Variants in NECAB1 observed in about 807,000 individuals in gnomAD.
NECAB1 encodes N-terminal EF-hand calcium binding protein 1.
NECAB1 carries 29 observed loss-of-function variants against 57.5 expected under a neutral mutation model. The ratio of observed to expected loss-of-function variants is 0.50; its 90% confidence interval spans 0.38 to 0.69. NECAB1 has a LOEUF of 0.69. Ranked by LOEUF, NECAB1 falls within the 30% of genes least tolerant of loss-of-function variation. The pLI, the probability that NECAB1 is intolerant of heterozygous loss-of-function variation, is 0.00. For synonymous variants in NECAB1, 142 were observed against 147.7 expected (o/e 0.96, Z 0.28); for missense variants, 372 against 413.8 (o/e 0.90, Z 0.88).
intron 1 of NECAB1, among the ~76,000 whole-genome samples, chr8:90,793,380 T>C (rs1586025583): frequency 6.6e-6 from 1 of 152,312 alleles, no homozygotes; most frequent in Middle Eastern, 3.4e-3. Context: ...TCTGGGCTGG[T>C]CATCTCCTTC....
In NECAB1 at chr8:90,951,139, C is replaced by A; in HGVS notation, c.965C>A (p.Thr322Lys). The change falls in exon 12 of 13, where the codon ACA becomes AAA. Residue 322 changes from threonine to lysine, a missense_variant. Coordinates refer to ENST00000417640, the MANE Select transcript of NECAB1 (RefSeq NM_022351.5). ...CACCTTCAGACAAATTATAGCAAGA[C>A]ATTCCAAAGAAGTAATGTGGATTTC... ...NSHLQTNYSK[T>K]FQRSNVDFLE... 1 of 1,600,104 alleles carries A rather than the reference C, an allele frequency of 6.2e-7. No individual in the cohort carries two copies. Among genetic ancestry groups the A allele is most frequent in the Non-Finnish European group, 8.5e-7 (1 of 1,172,914 alleles).
chr8:90,921,550 T>C (rs1038483330), intron 6 of NECAB1, among the ~76,000 whole-genome samples: 3 of 152,114 alleles, frequency 2.0e-5, no homozygotes, highest in Non-Finnish European at 2.9e-5. Context: ...GGCAGATACC[T>C]GCAATCCCAG....
rs1294305036 is a variant in NECAB1, at chr8:90,956,948, G to A, written c.*1436G>A. 1.1e-4 allele frequency: 11 copies of A among 98,942 alleles called. No homozygotes were observed. The highest frequency in any genetic ancestry group is 8.2e-4 in the Admixed American group (9 of 11,032). 6.1% of individuals were successfully genotyped at this position (98,942 alleles called of 1,614,324 possible). A position where few individuals can be genotyped will look rare whatever the true frequency, so the allele number is the denominator to read the frequency against. ...TGATATATTGTACATACACACGTGT[G>A]TGTGTGTGTGTGTGTGTGTGTGTGT... is the stretch of plus-strand genomic sequence containing the variant. On this transcript the variant is annotated 3_prime_UTR_variant, in exon 13 of 13. Coordinates refer to ENST00000417640, the MANE Select transcript of NECAB1 (RefSeq NM_022351.5).
intron 2 of NECAB1, among the ~76,000 whole-genome samples, chr8:90,816,888 G>T (rs1812068525): frequency 6.6e-6 from 1 of 151,606 alleles, no homozygotes; most frequent in Non-Finnish European, 1.5e-5. Flanking sequence ...TGAATCAATA[G>T]ATTAAGTTGG....
At chr8:90,920,249 G>T (rs918724861) in intron 6 of NECAB1, among the ~76,000 whole-genome samples, 1 of 152,064 alleles carries the variant, frequency 6.6e-6, no homozygotes, top group Non-Finnish European at 1.5e-5. Context: ...CCCCTGAGAG[G>T]TTTATAAAGA....
At chr8:90,887,669 G>C (rs1337563601) in intron 5 of NECAB1, among the ~76,000 whole-genome samples, 1 of 152,046 alleles carries the variant, frequency 6.6e-6, no homozygotes, top group Non-Finnish European at 1.5e-5. Flanking sequence ...TTTAATAAAG[G>C]AAAAAGAGAA....
intron 3 of NECAB1, among the ~76,000 whole-genome samples, chr8:90,832,741 T>C (rs1812314065): frequency 2.0e-5 from 3 of 152,140 alleles, no homozygotes; most frequent in Admixed American, 2.0e-4. Context: ...TTAAGCAATC[T>C]GATACAAAAA....
chr8:90,947,194 G>A (rs1810822112), intron 10 of NECAB1, among the ~76,000 whole-genome samples: 1 of 151,374 alleles, frequency 6.6e-6, no homozygotes, highest in Non-Finnish European at 1.5e-5. Flanking sequence ...CATTCCTTTT[G>A]TTTCTGTTAG....
intron 9 of NECAB1, among the ~76,000 whole-genome samples, chr8:90,935,097 T>A (rs1256275684): frequency 6.6e-6 from 1 of 152,202 alleles, no homozygotes; most frequent in Non-Finnish European, 1.5e-5. Flanking sequence ...AAAATCATTT[T>A]TTAATCCCTT....
At chr8:90,884,777 AG>A (rs1462620158) in intron 5 of NECAB1, among the ~76,000 whole-genome samples, 2 of 152,148 alleles carry the variant, frequency 1.3e-5, no homozygotes, top group African/African-American at 4.8e-5. Flanking sequence ...GAGTTTGCTT[AG>A]GGGAGAGGAA....
At chr8:90,886,463 T>C (rs904777010) in intron 5 of NECAB1, among the ~76,000 whole-genome samples, 2 of 152,222 alleles carry the variant, frequency 1.3e-5, no homozygotes, top group Non-Finnish European at 2.9e-5. Flanking sequence ...GTTATCTTAA[T>C]TCTTGTATAC....
At chr8:90,804,646 A>G (rs1465366157) in intron 2 of NECAB1, among the ~76,000 whole-genome samples, 1 of 152,202 alleles carries the variant, frequency 6.6e-6, no homozygotes, top group African/African-American at 2.4e-5. Flanking sequence ...TAATTTGTCA[A>G]TTTATGATAA....
chr8:90,869,966 C>T (rs943994189), intron 3 of NECAB1, among the ~76,000 whole-genome samples: 1 of 152,088 alleles, frequency 6.6e-6, no homozygotes, highest in African/African-American at 2.4e-5. Context: ...CCTGGTGGGA[C>T]GTGATTGGGT....
rs918243202 is a variant in NECAB1 at position 90,801,478 on chromosome 8, C to T, written c.100-213C>T. On this transcript the variant is annotated intron_variant, in intron 1 of 12. Transcript: ENST00000417640. ...GTAGTATTCTATTGTATGGCTATAC[C>T]ACAGTTGGTTTGTTCATTCACGGTT... is the stretch of plus-strand genomic sequence containing the variant. Among the ~76,000 whole-genome samples, 9 of 151,964 alleles carry T rather than the reference C, an allele frequency of 5.9e-5. 1 individual carries two copies. Among genetic ancestry groups the T allele is most frequent in the African/African-American group, 2.2e-4 (9 of 41,370 alleles).
chr8:90,795,900 T>C (rs1381082882), intron 1 of NECAB1, among the ~76,000 whole-genome samples: 1 of 152,144 alleles, frequency 6.6e-6, no homozygotes, highest in African/African-American at 2.4e-5. Context: ...ACCTAGGTGA[T>C]GGATTGATAG....
At chr8:90,906,895 A>ATATATATATGTATGTATG (rs1563528311) in intron 5 of NECAB1, among the ~76,000 whole-genome samples, 1 of 139,198 alleles carries the variant, frequency 7.2e-6, no homozygotes, top group South Asian at 2.2e-4. Context: ...ATATATATAT[A>ATATATATATGTATGTATG]TATATATATA....
intron 1 of NECAB1, among the ~76,000 whole-genome samples, chr8:90,798,266 A>C (rs999220171): frequency 2.0e-5 from 3 of 152,240 alleles, no homozygotes; most frequent in African/African-American, 7.2e-5. Flanking sequence ...ATGGGATTAC[A>C]TCAGCAAACC....
At chr8:90,843,990 T>C (rs1208246889) in intron 3 of NECAB1, among the ~76,000 whole-genome samples, 1 of 152,192 alleles carries the variant, frequency 6.6e-6, no homozygotes, top group Admixed American at 6.5e-5. Flanking sequence ...ATACTGCCTT[T>C]TTCCTTACAG....
At chr8:90,893,247 G>A (rs1285183670) in intron 5 of NECAB1, among the ~76,000 whole-genome samples, 3 of 151,940 alleles carry the variant, frequency 2.0e-5, no homozygotes, top group Admixed American at 2.0e-4. Context: ...TGTCGGTGGG[G>A]GTAGAGGGGA....
Sources: allele counts gnomAD v4.1 joint callset (sites outside exome capture counted in the v4.1 genomes callset), GRCh38; gene constraint gnomAD v4.1.1; transcripts MANE v1.5; gene names NCBI Gene and HGNC (gene_info 2026-07-23, HGNC 2026-07-21).